TAS2R1: variants seen among roughly 807,000 people sequenced by gnomAD.
The protein encoded by TAS2R1 is taste receptor type 2 member 1.
For missense variants in TAS2R1, 370 were observed against 353.4 expected (o/e 1.05, Z -0.38); for synonymous variants, 141 against 134.2 (o/e 1.05, Z -0.35).
the TAS2R1 span, among the ~76,000 whole-genome samples, chr5:9,742,717 C>A: frequency 8.6e-5 from 13 of 152,018 alleles, no homozygotes; most frequent in African/African-American, 3.1e-4. Flanking sequence ...ATTTAAATAA[C>A]CTCAATGGCC....
In TAS2R1 at chr5:9,629,660, G is replaced by T. The variant is rs780161104; in HGVS notation, c.373C>A (p.Leu125Met). The change falls in exon 1 of 1, where the codon CTG becomes ATG. Residue 125 changes from leucine to methionine, a missense_variant. Coordinates refer to ENST00000382492, the MANE Select transcript of TAS2R1 (RefSeq NM_019599.3). ...GACCCCAGGATCATCCATGGGACCAGCTTGGATATCCTCATCTTCAACCAG... is the reference window on the plus strand; with the variant it reads ...GACCCCAGGATCATCCATGGGACCATCTTGGATATCCTCATCTTCAACCAG... Reference protein sequence around the residue: ...FIWLKMRISKLVPWMILGSLL... With the variant: ...FIWLKMRISKMVPWMILGSLL... 17 of 1,614,200 alleles carry T rather than the reference G, an allele frequency of 1.1e-5. No homozygotes were observed. The highest frequency in any genetic ancestry group is 3.3e-5 in the Admixed American group (2 of 60,008).
intron 1 of TAS2R1, among the ~76,000 whole-genome samples, chr5:9,709,023 T>C (rs980453861): frequency 6.6e-6 from 1 of 152,104 alleles, no homozygotes; most frequent in Non-Finnish European, 1.5e-5. Flanking sequence ...GCCTTTATCC[T>C]TTAGCTCTTT....
intron 1 of TAS2R1, among the ~76,000 whole-genome samples, chr5:9,697,666 C>A (rs1281718690): frequency 6.6e-6 from 1 of 151,926 alleles, no homozygotes; most frequent in Non-Finnish European, 1.5e-5. Flanking sequence ...ACTAAGAATC[C>A]TTCTATTTGC....
chr5:9,894,382 G>C, the TAS2R1 span, among the ~76,000 whole-genome samples: 2 of 39,464 alleles, frequency 5.1e-5, no homozygotes, highest in African/African-American at 1.9e-4. Flanking sequence ...CCAGCCGTGA[G>C]ACTCTGTCTC....
At chr5:9,743,728 C>G in the TAS2R1 span, among the ~76,000 whole-genome samples, 6,736 of 152,192 alleles carry the variant, frequency 0.044, 445 homozygotes, top group East Asian at 0.2. Context: ...TTGCTTCCAG[C>G]AGATCTTAAG....
the TAS2R1 span, among the ~76,000 whole-genome samples, chr5:9,803,817 T>A: frequency 3.3e-5 from 5 of 151,980 alleles, no homozygotes; most frequent in Non-Finnish European, 5.9e-5. Flanking sequence ...CAGGACTATA[T>A]AACAATAACA....
Position 9,693,547 on chromosome 5 carries a change from A to AAAG in TAS2R1, c.-242+18624_-242+18625insCTT, listed in dbSNP as rs1554054255. Reference sequence around the variant, plus strand: ...CTCAAAAAAAAAAAAAAAAAAAAAAAAGAGAGAGAAAAAGAAAGAAAGAAA... The same window carrying AAAG: ...CTCAAAAAAAAAAAAAAAAAAAAAAAAAGAGAGAGAGAAAAAGAAAGAAAGAAA... On this transcript the variant is annotated intron_variant, in intron 1 of 2. Transcript: ENST00000506620. 8.6e-3 allele frequency among the ~76,000 whole-genome samples: 1,168 copies of AAAG among 135,986 alleles called. 12 individuals are homozygous for AAAG. Among genetic ancestry groups the AAAG allele is most frequent in the Non-Finnish European group, 0.012 (781 of 64,624 alleles). The allele number at this position is 135,986 out of a possible 152,430, so 89.2% of individuals were successfully genotyped here.
the TAS2R1 span, among the ~76,000 whole-genome samples, chr5:9,857,965 G>T: frequency 3.9e-5 from 6 of 152,252 alleles, no homozygotes; most frequent in Admixed American, 3.9e-4. Flanking sequence ...CCAACCTGGT[G>T]ACTAGGGCCA....
At chr5:9,753,281 G>A in the TAS2R1 span, among the ~76,000 whole-genome samples, 4 of 152,180 alleles carry the variant, frequency 2.6e-5, no homozygotes, top group African/African-American at 9.7e-5. Flanking sequence ...GTTTTGATTT[G>A]CATTTCTCTG....
the TAS2R1 span, among the ~76,000 whole-genome samples, chr5:9,723,064 G>A: frequency 5.3e-5 from 8 of 152,230 alleles, no homozygotes; most frequent in Admixed American, 3.9e-4. Context: ...GATGGAGAGC[G>A]AGCACAGAAA....
the TAS2R1 span, among the ~76,000 whole-genome samples, chr5:9,884,477 A>G: frequency 6.7e-6 from 1 of 150,248 alleles, no homozygotes; most frequent in Non-Finnish European, 1.5e-5. Flanking sequence ...CTGACTTAAA[A>G]AAAAAAAAAA....
chr5:9,725,671 C>T, the TAS2R1 span, among the ~76,000 whole-genome samples: 2 of 149,822 alleles, frequency 1.3e-5, no homozygotes, highest in Non-Finnish European at 2.9e-5. Context: ...CCCTGCTCCA[C>T]GGCGCCCAGC....
the TAS2R1 span, among the ~76,000 whole-genome samples, chr5:9,809,530 A>G: frequency 6.6e-6 from 1 of 152,126 alleles, no homozygotes; most frequent in Non-Finnish European, 1.5e-5. Context: ...CAAGCCAGGA[A>G]GAGGGCCCTC....
the TAS2R1 span, among the ~76,000 whole-genome samples, chr5:9,724,208 A>G: frequency 6.6e-6 from 1 of 152,278 alleles, no homozygotes; most frequent in Admixed American, 6.5e-5. Flanking sequence ...GCCAAGAACC[A>G]TATTTGTGGC....
the TAS2R1 span, among the ~76,000 whole-genome samples, chr5:9,898,240 T>C: frequency 1.3e-5 from 2 of 152,160 alleles, no homozygotes; most frequent in African/African-American, 4.8e-5. Context: ...GTGGGGAAAA[T>C]GTGACAGTAA....
chr5:9,693,026 CA>C (rs1741280467), intron 1 of TAS2R1, among the ~76,000 whole-genome samples: 1 of 152,040 alleles, frequency 6.6e-6, no homozygotes. Context: ...CAGCCATTTC[CA>C]AAAGAAGAGC....
chr5:9,874,654 T>A, the TAS2R1 span, among the ~76,000 whole-genome samples: 1 of 152,186 alleles, frequency 6.6e-6, no homozygotes, highest in African/African-American at 2.4e-5. Context: ...GTATGACTCA[T>A]GTTAGGTGTG....
At chr5:9,778,666 G>C in the TAS2R1 span, among the ~76,000 whole-genome samples, 23 of 152,328 alleles carry the variant, frequency 1.5e-4, no homozygotes, top group East Asian at 2.1e-3. Flanking sequence ...ATGTTATGGA[G>C]ATGGCTTACT....
intron 1 of TAS2R1, among the ~76,000 whole-genome samples, chr5:9,660,710 G>A (rs1262396413): frequency 2.6e-5 from 4 of 152,172 alleles, no homozygotes; most frequent in African/African-American, 4.8e-5. Flanking sequence ...TACATATCTT[G>A]AGATGGGAAA....
Sources: gnomAD v4.1 joint callset for allele counts (sites outside exome capture counted in the v4.1 genomes callset) on GRCh38, gnomAD v4.1.1 for gene constraint, MANE v1.5 for transcripts, NCBI Gene and HGNC (gene_info 2026-07-23, HGNC 2026-07-21) for gene names.